The following WDR41 variants were observed in gnomAD, a reference collection of about 807,000 sequenced individuals.
WDR41 encodes the protein WD repeat-containing protein 41.
Under a neutral mutation model 69.3 loss-of-function variants are expected in WDR41, and 63 were observed. The observed-to-expected ratio is 0.91, with a 90% confidence interval of 0.74 to 1.12. WDR41 has a LOEUF of 1.12. Among genes scored for constraint, WDR41 ranks in the 50% most tolerant of loss-of-function variants. WDR41 has a pLI of 0.00. For synonymous variants in WDR41, 185 were observed against 192.1 expected, an observed-to-expected ratio of 0.96 and a Z score of 0.31; for missense variants, 543 against 534.5, an observed-to-expected ratio of 1.02 and a Z score of -0.16.
intron 1 of WDR41, among the ~76,000 whole-genome samples, chr5:77,610,997 G>A (rs372924536): frequency 1.3e-5 from 2 of 152,262 alleles, no homozygotes; most frequent in South Asian, 4.1e-4. Context: ...AAAGGCAGGG[G>A]TTGCAATCCT....
chr5:77,555,178 T>G (rs146863029), intron 1 of WDR41, among the ~76,000 whole-genome samples: 1 of 152,304 alleles, frequency 6.6e-6, no homozygotes, highest in Non-Finnish European at 1.5e-5. Flanking sequence ...GTGAATTGTA[T>G]TAATTTTCTG....
rs751087424 is a variant in WDR41, at chr5:77,514,692, G to A, written c.43-25120C>T. Among the ~76,000 whole-genome samples the A allele has an allele frequency of 3.5e-4, 53 of 152,252 alleles. 2 individuals are homozygous for A. Among genetic ancestry groups the A allele is most frequent in the Admixed American group, 2.4e-3 (36 of 15,296 alleles). ...GTGATTTTGTCATTGTGCCATTGTA[G>A]AGGGTACTTACACAACCTAGATGGT... is the stretch of plus-strand genomic sequence containing the variant. On this transcript the variant is annotated intron_variant, in intron 1 of 5. Coordinates refer to the WDR41 transcript ENST00000509971.
At chr5:77,513,377 A>G (rs1802238659) in intron 1 of WDR41, among the ~76,000 whole-genome samples, 1 of 152,194 alleles carries the variant, frequency 6.6e-6, no homozygotes, top group African/African-American at 2.4e-5. Flanking sequence ...TAGCTCTTAA[A>G]CTGAAAAAGA....
At chr5:77,467,461 G>A (rs149833183) in intron 2 of WDR41, among the ~76,000 whole-genome samples, 7 of 152,024 alleles carry the variant, frequency 4.6e-5, no homozygotes, top group Middle Eastern at 3.4e-3. Context: ...GACATCAATT[G>A]TAAGACACTC....
At chr5:77,456,136 C>T (rs1799824501) in intron 5 of WDR41, among the ~76,000 whole-genome samples, 1 of 152,122 alleles carries the variant, frequency 6.6e-6, no homozygotes, top group South Asian at 2.1e-4. Flanking sequence ...TATCTTTCAA[C>T]AATGTTTTGT....
In WDR41 at chr5:77,433,011, G is replaced by T; in HGVS notation, c.*124C>A. The T allele has an allele frequency of 2.6e-6, 3 of 1,144,682 alleles. No individual in the cohort carries two copies. The highest frequency in any genetic ancestry group is 2.8e-5 in the Admixed American group (1 of 36,224). The allele number at this position is 1,144,682 out of a possible 1,614,324, so 70.9% of individuals were successfully genotyped here. ...GTAGGTCCACAAAAAATTTAAACAT[G>T]TAGAATTTTATGGACTGACAAAAAA... On this transcript the variant is annotated 3_prime_UTR_variant, in exon 13 of 13. Coordinates refer to ENST00000296679, the MANE Select transcript of WDR41 (RefSeq NM_018268.4).
chr5:77,439,343 G>A (rs1351170865), intron 9 of WDR41, among the ~76,000 whole-genome samples: 1 of 152,136 alleles, frequency 6.6e-6, no homozygotes, highest in African/African-American at 2.4e-5. Flanking sequence ...ACCAAAGCAT[G>A]CCCCCAAGGC....
intron 8 of WDR41, among the ~76,000 whole-genome samples, chr5:77,443,876 CTTT>C (rs746105630): frequency 0.037 from 3,856 of 104,694 alleles, 32 homozygotes; most frequent in Middle Eastern, 0.072. Context: ...TCAATCAGCA[CTTT>C]TTTTTTTTTT....
At chr5:77,532,992 C>T (rs1742885287) in intron 1 of WDR41, among the ~76,000 whole-genome samples, 1 of 151,672 alleles carries the variant, frequency 6.6e-6, no homozygotes, top group African/African-American at 2.4e-5. Context: ...TATGTACTTC[C>T]TTGCATGTAT....
At chr5:77,436,111 A>T in intron 12 of WDR41, 150 bp downstream of exon 12, 1 of 949,512 alleles carries the variant, frequency 1.1e-6, no homozygotes, top group Non-Finnish European at 1.4e-6. Flanking sequence ...AACTGCACAT[A>T]CTATAGCCTA....
intron 1 of WDR41, among the ~76,000 whole-genome samples, chr5:77,556,172 C>T (rs1386140330): frequency 1.5e-5 from 2 of 134,512 alleles, no homozygotes; most frequent in Non-Finnish European, 3.0e-5. Flanking sequence ...GGTGCGATCT[C>T]GGCCCGCTGC....
chr5:77,594,973 A>G (rs1744199048), intron 1 of WDR41, among the ~76,000 whole-genome samples: 1 of 152,218 alleles, frequency 6.6e-6, no homozygotes, highest in African/African-American at 2.4e-5. Context: ...CTGAAATAGT[A>G]AGAAAGGTGA....
intron 5 of WDR41, 80 bp downstream of exon 5, chr5:77,458,982 A>G: frequency 9.7e-7 from 1 of 1,030,060 alleles, no homozygotes; most frequent in Non-Finnish European, 1.5e-6. Context: ...CACAAAAGTA[A>G]TTTCGTCTAA....
At chr5:77,482,321 C>T (rs2169139) in intron 2 of WDR41, among the ~76,000 whole-genome samples, 8,228 of 152,174 alleles carry the variant, frequency 0.054, 380 homozygotes, top group South Asian at 0.13. Context: ...CATCAAATAC[C>T]CAGTCAATGA....
At chr5:77,469,188 A>G (rs1285926318) in intron 2 of WDR41, among the ~76,000 whole-genome samples, 2 of 152,262 alleles carry the variant, frequency 1.3e-5, no homozygotes, top group Middle Eastern at 3.4e-3. Flanking sequence ...TGGGAACTGA[A>G]GAATGAGAAC....
intron 12 of WDR41, 64 bp from the exon 13 acceptor site, chr5:77,433,351 T>G: frequency 6.8e-7 from 1 of 1,481,188 alleles, no homozygotes; most frequent in Non-Finnish European, 9.2e-7. Context: ...TAATACCACA[T>G]TAACACATGT....
intron 1 of WDR41, among the ~76,000 whole-genome samples, chr5:77,579,555 C>T (rs915119834): frequency 6.6e-6 from 1 of 152,078 alleles, no homozygotes; most frequent in African/African-American, 2.4e-5. Flanking sequence ...CCCTGTCAAA[C>T]AAGAATCCTA....
At chr5:77,615,264 A>C (rs1028961272) in intron 1 of WDR41, among the ~76,000 whole-genome samples, 2 of 152,232 alleles carry the variant, frequency 1.3e-5, no homozygotes, top group Non-Finnish European at 2.9e-5. Context: ...GAAATAGTCA[A>C]ATAAATTTGG....
chr5:77,588,997 C>A (rs13436895), intron 1 of WDR41, among the ~76,000 whole-genome samples: 1 of 151,844 alleles, frequency 6.6e-6, no homozygotes, highest in Non-Finnish European at 1.5e-5. Context: ...ACAAGAAGCA[C>A]AAAAATGTGA....
Sources: allele counts gnomAD v4.1 joint callset (sites outside exome capture counted in the v4.1 genomes callset), GRCh38; gene constraint gnomAD v4.1.1; transcripts MANE v1.5; gene names NCBI Gene and HGNC (gene_info 2026-07-23, HGNC 2026-07-21).